MSI2: variants seen among roughly 807,000 people sequenced by gnomAD.
The protein encoded by MSI2 is RNA-binding protein Musashi homolog 2.
In MSI2, 17 loss-of-function variants were observed where a neutral mutation model predicts 45.6. That is an observed-to-expected ratio of 0.37 (90% confidence interval 0.26 to 0.56). The LOEUF is 0.56. MSI2 is among the 20% of genes least tolerant of loss of function. The pLI, the probability that MSI2 is intolerant of heterozygous loss-of-function variation, is 0.77. For missense variants in MSI2, 293 were observed against 444.2 expected (o/e 0.66, Z 3.06); for synonymous variants, 156 against 158.2 (o/e 0.99, Z 0.11).
chr17:57,680,466 A>G lies in MSI2; in HGVS notation c.*949A>G. ...CTCTGTGGAAGGAGGCGGGAAGGGA[A>G]CGTTGGCCAAGTCAGTTACTGAGAT... On this transcript the variant is annotated 3_prime_UTR_variant, in exon 14 of 14. Coordinates refer to ENST00000284073, the MANE Select transcript of MSI2 (RefSeq NM_138962.4). The G allele has an allele frequency of 4.4e-6, 1 of 226,544 alleles. No individual in the cohort carries two copies. The highest frequency in any genetic ancestry group is 8.8e-6 in the Non-Finnish European group (1 of 113,928). 14.0% of individuals were successfully genotyped at this position (226,544 alleles called of 1,614,324 possible).
In MSI2 at chr17:57,679,137, G is replaced by T. The variant is rs73994141; in HGVS notation, c.*32-412G>T. Among the ~76,000 whole-genome samples the T allele has an allele frequency of 5.9e-3, 895 of 150,458 alleles. 9 individuals are homozygous for T. Among genetic ancestry groups the T allele is most frequent in the African/African-American group, 0.02 (811 of 40,038 alleles). On this transcript the variant is annotated intron_variant, in intron 13 of 13. Coordinates refer to ENST00000284073, the MANE Select transcript of MSI2 (RefSeq NM_138962.4). ...AAGGCAAGTTTGTGGGGTTTTTTTTGTTTGTTTGTTTGTTTTTTTAACATT... is the reference window on the plus strand; with the variant it reads ...AAGGCAAGTTTGTGGGGTTTTTTTTTTTTGTTTGTTTGTTTTTTTAACATT...
At chr17:57,607,824 G>A (rs1029874802) in intron 8 of MSI2, among the ~76,000 whole-genome samples, 41 of 152,214 alleles carry the variant, frequency 2.7e-4, no homozygotes, top group Admixed American at 8.5e-4. Context: ...GAACAGGCAC[G>A]TCGCTTGGTG....
In MSI2 at chr17:57,627,050, G is replaced by GC. The variant is rs141838340; in HGVS notation, c.653-174dup. The GC allele has an allele frequency of 4.5e-3, 2,783 of 625,230 alleles. 53 individuals are homozygous for GC. In the African/African-American group the frequency reaches 0.046, roughly 10 times the overall value. 38.7% of individuals were successfully genotyped at this position (625,230 alleles called of 1,614,324 possible). On this transcript the variant is annotated intron_variant, in intron 9 of 13. Transcript: ENST00000284073. The surrounding 1 kb of genome is among the most constrained non-coding windows in gnomAD (Gnocchi z 4.6). ...TTAATTAGCAACAGCTGACAGCAGCGCCCCCGGCCACAGGAGAGAGGTGAC... is the reference window on the plus strand; with the variant it reads ...TTAATTAGCAACAGCTGACAGCAGCGCCCCCCGGCCACAGGAGAGAGGTGAC...
chr17:57,620,513 A>G (rs1908187990), intron 9 of MSI2, among the ~76,000 whole-genome samples: 1 of 152,224 alleles, frequency 6.6e-6, no homozygotes, highest in Non-Finnish European at 1.5e-5. Context: ...CATGTACTCA[A>G]GCTGGGAGTT....
At position 57,682,595 on chromosome 17, in the gene MSI2, G is replaced by A. The variant is rs759221557; in HGVS notation, c.*3078G>A. Reference sequence around the variant, plus strand: ...GATATGTTTTAATGTGGCTACCTAGGTTTAAGGTTCACGTTAGTCCCCCCA... The same window carrying A: ...GATATGTTTTAATGTGGCTACCTAGATTTAAGGTTCACGTTAGTCCCCCCA... On this transcript the variant is annotated 3_prime_UTR_variant, in exon 14 of 14. Coordinates refer to ENST00000284073, the MANE Select transcript of MSI2 (RefSeq NM_138962.4). The A allele has an allele frequency of 1.4e-5, 3 of 211,814 alleles. No individual in the cohort carries two copies. The highest frequency in any genetic ancestry group is 5.9e-5 in the Admixed American group (1 of 16,858). The allele number at this position is 211,814 out of a possible 1,614,324, so 13.1% of individuals were successfully genotyped here.
chr17:57,372,958 A>T (rs1335080040), intron 5 of MSI2, among the ~76,000 whole-genome samples: 1 of 152,186 alleles, frequency 6.6e-6, no homozygotes, highest in East Asian at 1.9e-4. Flanking sequence ...ATTTAGAATT[A>T]CCAAATATGG....
At chr17:57,619,948 C>T (rs1908133548) in intron 9 of MSI2, among the ~76,000 whole-genome samples, 2 of 152,232 alleles carry the variant, frequency 1.3e-5, no homozygotes, top group Admixed American at 1.3e-4. Context: ...CCCCACCCTG[C>T]TGCTGAAGGC....
At chr17:57,399,368 T>C (rs1209077267) in intron 5 of MSI2, among the ~76,000 whole-genome samples, 1 of 152,170 alleles carries the variant, frequency 6.6e-6, no homozygotes, top group African/African-American at 2.4e-5. Context: ...GTATACTGAG[T>C]TGTTAGAATA....
intron 7 of MSI2, among the ~76,000 whole-genome samples, chr17:57,557,725 C>T (rs114873358): frequency 3.0e-4 from 46 of 152,320 alleles, no homozygotes; most frequent in African/African-American, 9.6e-4. Context: ...GCAGAGGTTT[C>T]GTTGAGGCAT....
At chr17:57,482,144 G>T (rs779268216) in intron 6 of MSI2, among the ~76,000 whole-genome samples, 1 of 152,178 alleles carries the variant, frequency 6.6e-6, no homozygotes, top group Admixed American at 6.5e-5. Context: ...CTGCTGGAGA[G>T]AACTGAAAGA....
At chr17:57,350,500 G>A (rs1915946139) in intron 5 of MSI2, among the ~76,000 whole-genome samples, 1 of 152,168 alleles carries the variant, frequency 6.6e-6, no homozygotes. Context: ...AAGTCCAAGT[G>A]CTGTTGCATG....
chr17:57,687,239 GGA>G (rs201713057), downstream of MSI2, among the ~76,000 whole-genome samples: 8 of 151,642 alleles, frequency 5.3e-5, no homozygotes, highest in South Asian at 2.1e-4. Context: ...TTTTTTTGGG[GGA>G]GGTGAAGGAA....
intron 5 of MSI2, among the ~76,000 whole-genome samples, chr17:57,321,527 T>G (rs1273884170): frequency 6.6e-6 from 1 of 152,188 alleles, no homozygotes; most frequent in Non-Finnish European, 1.5e-5. Context: ...AAGGGAACTC[T>G]GTTGCACCAG....
chr17:57,604,347 C>T (rs1906283595), intron 8 of MSI2, among the ~76,000 whole-genome samples: 1 of 152,126 alleles, frequency 6.6e-6, no homozygotes, highest in Non-Finnish European at 1.5e-5. Flanking sequence ...TTTTACTGAG[C>T]AAATAAAGAG....
intron 7 of MSI2, among the ~76,000 whole-genome samples, chr17:57,573,151 C>A (rs1211536020): frequency 6.6e-6 from 1 of 152,078 alleles, no homozygotes; most frequent in Admixed American, 6.5e-5. Flanking sequence ...CAGTGTCTGC[C>A]CTTATTTGTC....
intron 6 of MSI2, among the ~76,000 whole-genome samples, chr17:57,420,504 A>G (rs1175384884): frequency 1.3e-5 from 2 of 152,192 alleles, no homozygotes; most frequent in Non-Finnish European, 2.9e-5. Flanking sequence ...GATCTCTTGA[A>G]GAGTCTCCGA....
intron 6 of MSI2, among the ~76,000 whole-genome samples, chr17:57,408,652 G>T (rs944088039): frequency 1.9e-5 from 2 of 107,198 alleles, no homozygotes; most frequent in African/African-American, 7.1e-5. Flanking sequence ...GTCCTCCTGG[G>T]CCCTCTGAAG....
At chr17:57,584,791 GTT>G (rs35283984) in intron 7 of MSI2, among the ~76,000 whole-genome samples, 21,338 of 144,284 alleles carry the variant, frequency 0.15, 1,624 homozygotes, top group Middle Eastern at 0.23. Flanking sequence ...GATGATTTGG[GTT>G]TTTTTTTTTT....
At chr17:57,503,223 A>T (rs2086155777) in intron 6 of MSI2, among the ~76,000 whole-genome samples, 1 of 152,250 alleles carries the variant, frequency 6.6e-6, no homozygotes, top group African/African-American at 2.4e-5. Flanking sequence ...CAGCTACCCA[A>T]TAGTGATACA....
Sources: allele counts gnomAD v4.1 joint callset (sites outside exome capture counted in the v4.1 genomes callset), GRCh38; gene constraint gnomAD v4.1.1; non-coding constraint Gnocchi (gnomAD v3.1); transcripts MANE v1.5; gene names NCBI Gene and HGNC (gene_info 2026-07-23, HGNC 2026-07-21).